KIFBP: variants seen among roughly 807,000 people sequenced by gnomAD.
KIFBP encodes kinesin family binding protein.
Under a neutral mutation model 58.9 loss-of-function variants are expected in KIFBP, and 46 were observed. The observed-to-expected ratio is 0.78, with a 90% CI of 0.62 to 1.00. KIFBP has a LOEUF of 1.00. KIFBP is among the 50% of genes least tolerant of loss of function. The pLI is 0.00. For missense variants in KIFBP, 651 were observed against 752.9 expected (o/e 0.86, Z 1.58); for synonymous variants, 241 against 283.4 (o/e 0.85, Z 1.50).
intron 6 of KIFBP, among the ~76,000 whole-genome samples, chr10:69,013,319 A>T (rs1374547473): frequency 6.6e-6 from 1 of 152,206 alleles, no homozygotes; most frequent in Non-Finnish European, 1.5e-5. Flanking sequence ...TCTTGAAAAG[A>T]TGAAGATAAT....
chr10:68,990,395 CA>C (rs1194212968), intron 1 of KIFBP, among the ~76,000 whole-genome samples: 2 of 151,810 alleles, frequency 1.3e-5, no homozygotes, highest in Admixed American at 1.3e-4. Context: ...AAAAAACCCA[CA>C]AAACTAGCCA....
In KIFBP at chr10:68,989,175, G is replaced by T; in HGVS notation, c.343G>T (p.Glu115Ter). ...CGACACGGAGGAGCTGTCGGCGGGG[G>T]AGGAGCACCTGGTGAAATGCCTGCG... ...HIDTEELSAG[E>*]EHLVKCLRLL... Residue 115 changes from glutamate to a stop codon, truncating the protein, a stop_gained, in exon 1 of 7, where the codon GAG (glutamate) becomes TAG (stop). Transcript: ENST00000361983. LOFTEE classifies it high-confidence loss of function. 1 of 1,613,788 alleles carries T rather than the reference G, an allele frequency of 6.2e-7. No homozygotes were observed. Among genetic ancestry groups the T allele is most frequent in the Admixed American group, 1.7e-5 (1 of 60,012 alleles).
intron 1 of KIFBP, among the ~76,000 whole-genome samples, chr10:68,990,361 C>T (rs1454492505): frequency 6.6e-6 from 1 of 151,930 alleles, no homozygotes; most frequent in Non-Finnish European, 1.5e-5. Flanking sequence ...GAGACTCTGT[C>T]TCTTAAACAA....
Position 69,005,760 on chromosome 10 carries a change from T to C in KIFBP, c.634T>C (p.Tyr212His), listed in dbSNP as rs1383529353. 1.2e-6 allele frequency: 2 copies of C among 1,613,082 alleles called. No individual in the cohort carries two copies. The highest frequency in any genetic ancestry group is 8.5e-7 in the Non-Finnish European group (1 of 1,179,048). Reference sequence around the variant, plus strand: ...TGAAAAGGTTTATACTCATAACCTATATTACCTAGCTCAAGTCTACCAGCA... The same window carrying C: ...TGAAAAGGTTTATACTCATAACCTACATTACCTAGCTCAAGTCTACCAGCA... Reference protein sequence around the residue: ...RFEKVYTHNLYYLAQVYQHLE... With the variant: ...RFEKVYTHNLHYLAQVYQHLE... The change falls in exon 4 of 7, where the codon TAT (tyrosine) becomes CAT (histidine). Residue 212 changes from tyrosine (Y) to histidine (H), a missense_variant. Physicochemically the swap from Tyr to His is moderately conservative, Grantham distance 83. Coordinates refer to ENST00000361983, the MANE Select transcript of KIFBP (RefSeq NM_015634.4).
Position 69,005,082 on chromosome 10 carries a change from C to T in KIFBP, c.562C>T (p.Leu188Phe). The change falls in exon 3 of 7, where the codon CTT (leucine) becomes TTT (phenylalanine). Residue 188 changes from leucine (L) to phenylalanine (F), a missense_variant. By Grantham distance (22) the Leu-to-Phe change is conservative. Transcript: ENST00000361983. Reference protein sequence around the residue: ...SPPLDPTERFLPEEEKLTEQE... With the variant: ...SPPLDPTERFFPEEEKLTEQE... ...TCCTCTTGATCCTACTGAGCGTTTT[C>T]TTCCTGAAGAAGAGAAACTTACTGA... 6.2e-7 allele frequency: 1 copy of T among 1,613,606 alleles called. No individual in the cohort carries two copies. The highest frequency in any genetic ancestry group is 8.5e-7 in the Non-Finnish European group (1 of 1,179,620).
rs1365296076 is a variant in KIFBP at position 68,988,988 on chromosome 10, T to G, written c.156T>G (p.Pro52=). 8.1e-6 allele frequency: 13 copies of G among 1,614,218 alleles called. No homozygotes were observed. The highest frequency in any genetic ancestry group is 1.1e-5 in the Non-Finnish European group (13 of 1,180,028). Reference sequence around the variant, plus strand: ...AAGAGGTCAAGGCGCTGCTCGGCCCTGCGCCTGAGGACGAGGATGAGCGGC... The same window carrying G: ...AAGAGGTCAAGGCGCTGCTCGGCCCGGCGCCTGAGGACGAGGATGAGCGGC... The part of the protein sequence containing the change: ...LLEEVKALLG[P]APEDEDERPE... Residue 52 remains proline (P), a synonymous_variant, in exon 1 of 7, where the codon CCT becomes CCG. Coordinates refer to ENST00000361983, the MANE Select transcript of KIFBP (RefSeq NM_015634.4).
chr10:68,997,176 C>T (rs1477336112), intron 1 of KIFBP, among the ~76,000 whole-genome samples: 2 of 152,144 alleles, frequency 1.3e-5, no homozygotes, highest in Non-Finnish European at 2.9e-5. Context: ...CTCTATGTTA[C>T]TTATGAGGTC....
At chr10:69,001,625 G>A (rs965394935) in intron 2 of KIFBP, among the ~76,000 whole-genome samples, 3 of 151,904 alleles carry the variant, frequency 2.0e-5, no homozygotes, top group African/African-American at 4.8e-5. Flanking sequence ...GGTGGCGCAC[G>A]CCTGTAGTCC....
rs192819380 is a variant in KIFBP, at chr10:69,016,799, A to G, written c.*383A>G. The G allele has an allele frequency of 3.0e-5, 5 of 166,894 alleles. No individual in the cohort carries two copies. The East Asian group carries it at 8.6e-4, about 29-fold the overall frequency. 10.3% of individuals were successfully genotyped at this position (166,894 alleles called of 1,614,324 possible). ...TTAATATATTAAGATTGAAAAAGTA[A>G]CTTCTATAGTTACTCCTTCTAAAAT... is the stretch of plus-strand genomic sequence containing the variant. On this transcript the variant is annotated 3_prime_UTR_variant, in exon 7 of 7. Transcript: ENST00000361983.
chr10:69,015,343 T>G (rs373903747), intron 6 of KIFBP, 198 bp from the exon 7 acceptor site: 1 of 557,588 alleles, frequency 1.8e-6, no homozygotes, highest in African/African-American at 1.9e-5. Flanking sequence ...TACTTTTTTT[T>G]CCACATTTCT....
chr10:68,998,771 A>ATATATGTT (rs1357079794), intron 1 of KIFBP, among the ~76,000 whole-genome samples: 1 of 99,856 alleles, frequency 1.0e-5, no homozygotes, highest in East Asian at 3.9e-4. Context: ...ATATATATAT[A>ATATATGTT]TTTTTTTTTT....
intron 1 of KIFBP, among the ~76,000 whole-genome samples, chr10:68,998,771 A>ATATATATTT (rs1357079794): frequency 6.2e-4 from 62 of 99,874 alleles, no homozygotes; most frequent in South Asian, 1.5e-3. Flanking sequence ...ATATATATAT[A>ATATATATTT]TTTTTTTTTT....
rs1843518076 is a variant in KIFBP, at chr10:69,005,121, A to G, written c.601A>G (p.Lys201Glu). 5 of 1,607,580 alleles carry G rather than the reference A, an allele frequency of 3.1e-6. No individual in the cohort carries two copies. Among genetic ancestry groups the G allele is most frequent in the Non-Finnish European group, 3.4e-6 (4 of 1,174,042 alleles). Residue 201 changes from lysine (K) to glutamate (E), a missense_variant, in exon 3 of 7, where the codon AAA becomes GAA. Transcript: ENST00000361983. ...GAAACTTACTGAACAAGAGAGATCA[A>G]AAAGGTGAGTAGGTATAGAAATCAG... ...EEKLTEQERS[K>E]RFEKVYTHNL... is the part of the protein sequence containing the mutation.
Position 69,016,537 on chromosome 10 carries a change from A to T in KIFBP, c.*121A>T, listed in dbSNP as rs1196110026. The T allele has an allele frequency of 2.1e-6, 2 of 963,352 alleles. No individual in the cohort carries two copies. Among genetic ancestry groups the T allele is most frequent in the African/African-American group, 3.2e-5 (2 of 61,848 alleles). The allele number at this position is 963,352 out of a possible 1,614,324, so 59.7% of individuals were successfully genotyped here. A position where few individuals can be genotyped will look rare whatever the true frequency, so the allele number is the denominator to read the frequency against. ...CAGGTGAGTGCAGTTTGAACTTGAG[A>T]TACAGTCAACTGAGTGTTTGCTAGG... On this transcript the variant is annotated 3_prime_UTR_variant, in exon 7 of 7. Transcript: ENST00000361983.
At chr10:69,010,191 C>T (rs1843576247) in intron 5 of KIFBP, among the ~76,000 whole-genome samples, 1 of 151,926 alleles carries the variant, frequency 6.6e-6, no homozygotes, top group Admixed American at 6.6e-5. Flanking sequence ...TCTTATTGAG[C>T]ATTCTCATAT....
chr10:69,011,718 G>A (rs1409787102), intron 6 of KIFBP, among the ~76,000 whole-genome samples: 1 of 112,490 alleles, frequency 8.9e-6, no homozygotes, highest in Non-Finnish European at 1.7e-5. Flanking sequence ...TTTTTGAGAC[G>A]GAGTTTTGCT....
chr10:69,004,219 C>CAAAAAAAAAAAAAAAAAAAAAACAAAAAA (rs1843504708), intron 2 of KIFBP, among the ~76,000 whole-genome samples: 1 of 79,502 alleles, frequency 1.3e-5, no homozygotes, highest in Non-Finnish European at 2.4e-5. Context: ...ACTCCATCTC[C>CAAAAAAAAAAAAAAAAAAAAAACAAAAAA]AAAAAAAAAA....
In KIFBP at chr10:69,003,268, CAG is replaced by C. The variant is rs143309790; in HGVS notation, c.526-1777_526-1776del. Among the ~76,000 whole-genome samples, 1,057 of 152,176 alleles carry C rather than the reference CAG, an allele frequency of 6.9e-3. 15 individuals carry two copies. The highest frequency in any genetic ancestry group is 0.024 in the African/African-American group (1,012 of 41,492). ...TATTGATTAATTCCCCTCATCTAGA[CAG>C]GGGTAAGCATGGTAAGCAGCCCTCG... On this transcript the variant is annotated intron_variant, in intron 2 of 6. Transcript: ENST00000361983.
chr10:69,003,617 A>C (rs897703489), intron 2 of KIFBP, among the ~76,000 whole-genome samples: 1 of 152,198 alleles, frequency 6.6e-6, no homozygotes, highest in Non-Finnish European at 1.5e-5. Context: ...CTTAATCCTC[A>C]TGAGATAGAT....
Sources: allele counts gnomAD v4.1 joint callset (sites outside exome capture counted in the v4.1 genomes callset), GRCh38; gene constraint gnomAD v4.1.1; transcripts MANE v1.5; gene names NCBI Gene and HGNC (gene_info 2026-07-23, HGNC 2026-07-21).